The following KIF14 variants were observed in gnomAD, a reference collection of about 807,000 sequenced individuals.
KIF14 encodes kinesin-like protein KIF14.
KIF14 carries 98 observed loss-of-function variants against 176.2 expected under a neutral mutation model. That is an observed-to-expected ratio of 0.56 (90% CI 0.47 to 0.66). KIF14 has a LOEUF of 0.66. Among genes scored for constraint, KIF14 ranks in the 30% least tolerant of loss-of-function variants. The pLI is 0.00. For synonymous variants in KIF14, 566 were observed against 632.2 expected (o/e 0.90, Z 1.57); for missense variants, 1,751 against 1,920.4 (o/e 0.91, Z 1.65).
chr1:200,615,726 C>G, intron 2 of KIF14, 117 bp from the exon 3 acceptor site: 1 of 921,214 alleles, frequency 1.1e-6, no homozygotes, highest in Non-Finnish European at 1.6e-6. Context: ...CAAGATAATT[C>G]TGTAGTTTTA....
chr1:200,616,180 A>C (rs1473153150), intron 2 of KIF14, among the ~76,000 whole-genome samples: 4 of 152,166 alleles, frequency 2.6e-5, no homozygotes, highest in African/African-American at 2.4e-5. Context: ...TTAGATCTAC[A>C]GAAAAACATC....
rs2809357 is a variant in KIF14 at position 200,600,264 on chromosome 1, C to A, written c.2300+92G>T. 1,297,388 of 1,364,922 alleles carry A rather than the reference C, an allele frequency of 0.95. 617,490 individuals are homozygous for A. Among genetic ancestry groups the A allele is most frequent in the Non-Finnish European group, 0.96 (926,665 of 962,756 alleles). 84.6% of individuals were successfully genotyped at this position (1,364,922 alleles called of 1,614,324 possible). A position where few individuals can be genotyped will look rare whatever the true frequency, so the allele number is the denominator to read the frequency against. On this transcript the variant is annotated intron_variant, in intron 12 of 29. Transcript: ENST00000367350. The stretch of plus-strand genomic sequence containing the variant: ...GGGCTGCTCTATTCATAAGGAAGGT[C>A]GGAAAAATACTCAGTATCCTCTTGA...
chr1:200,570,896 C>A (rs1019427071), intron 22 of KIF14, among the ~76,000 whole-genome samples: 1 of 152,046 alleles, frequency 6.6e-6, no homozygotes, highest in Non-Finnish European at 1.5e-5. Flanking sequence ...GTTTTTCAAT[C>A]CTCACCTTCC....
At chr1:200,599,508 C>T (rs1001485816) in intron 13 of KIF14, among the ~76,000 whole-genome samples, 4 of 152,088 alleles carry the variant, frequency 2.6e-5, no homozygotes, top group Non-Finnish European at 4.4e-5. Flanking sequence ...AAGGAATTTT[C>T]CCTTCTTCTC....
In KIF14 at chr1:200,605,902, T is replaced by A; in HGVS notation, c.1608-8A>T. ...TAAGAACTGACAATGTTCCTATTTTTAAGAAGTGAAAAGACAAAATCAATT... is the reference window on the plus strand; with the variant it reads ...TAAGAACTGACAATGTTCCTATTTTAAAGAAGTGAAAAGACAAAATCAATT... On this transcript the variant is annotated splice_polypyrimidine_tract_variant and splice_region_variant and intron_variant, in intron 6 of 29. Coordinates refer to ENST00000367350, the MANE Select transcript of KIF14 (RefSeq NM_014875.3). The A allele has an allele frequency of 6.6e-7, 1 of 1,516,632 alleles. No individual in the cohort carries two copies. Among genetic ancestry groups the A allele is most frequent in the Non-Finnish European group, 8.9e-7 (1 of 1,126,356 alleles). The allele number at this position is 1,516,632 out of a possible 1,614,324, so 93.9% of individuals were successfully genotyped here.
rs191227310 is a variant in KIF14, at chr1:200,552,058, C to T, written c.*1330G>A. On this transcript the variant is annotated 3_prime_UTR_variant, in exon 30 of 30. Coordinates refer to ENST00000367350, the MANE Select transcript of KIF14 (RefSeq NM_014875.3). ...GAAACTATCAGATTTATTCATGGTACGAATGGCCAATTTCAACTAGTTATG... is the reference window on the plus strand; with the variant it reads ...GAAACTATCAGATTTATTCATGGTATGAATGGCCAATTTCAACTAGTTATG... 1.3e-5 allele frequency: 2 copies of T among 152,230 alleles called. No homozygotes were observed. The highest frequency in any genetic ancestry group is 1.3e-4 in the Admixed American group (2 of 15,292). The allele number at this position is 152,230 out of a possible 1,614,324, so 9.4% of individuals were successfully genotyped here. A position where few individuals can be genotyped will look rare whatever the true frequency, so the allele number is the denominator to read the frequency against.
At chr1:200,584,215 C>A (rs76640775) in intron 19 of KIF14, among the ~76,000 whole-genome samples, 298 of 135,008 alleles carry the variant, frequency 2.2e-3, no homozygotes, top group East Asian at 2.8e-3. Flanking sequence ...GACTCTGTTT[C>A]AAAAAAAAAA....
chr1:200,565,004 C>G (rs1657364137), intron 25 of KIF14, 65 bp downstream of exon 25: 3 of 1,275,050 alleles, frequency 2.4e-6, no homozygotes, highest in Non-Finnish European at 3.3e-6. Flanking sequence ...AAGATATAGA[C>G]AGTAGAAAGC....
intron 25 of KIF14, among the ~76,000 whole-genome samples, chr1:200,561,399 C>T (rs1055941979): frequency 2.0e-5 from 3 of 151,462 alleles, no homozygotes; most frequent in Admixed American, 6.6e-5. Flanking sequence ...ATTAGCCAGG[C>T]GTGGTGGCGG....
At chr1:200,590,826 A>C (rs1204985985) in intron 16 of KIF14, among the ~76,000 whole-genome samples, 1 of 152,194 alleles carries the variant, frequency 6.6e-6, no homozygotes, top group Non-Finnish European at 1.5e-5. Flanking sequence ...GGAGTTCGAG[A>C]CCAGCCTGGG....
rs528866349 is a variant in KIF14, at chr1:200,555,290, G to T, written c.4428+90C>A. On this transcript the variant is annotated intron_variant, in intron 28 of 29. Transcript: ENST00000367350. The stretch of plus-strand genomic sequence containing the variant: ...TACAAAAGAGTTGTCTCTGGCTAAG[G>T]ATAAACACTGAAATAAAAATATCTA... 9.9e-6 allele frequency: 8 copies of T among 810,658 alleles called. No homozygotes were observed. The Admixed American group carries it at 1.4e-4, about 14-fold the overall frequency. 50.2% of individuals were successfully genotyped at this position (810,658 alleles called of 1,614,324 possible).
At chr1:200,607,658 G>T (rs937574874) in intron 5 of KIF14, among the ~76,000 whole-genome samples, 6 of 152,106 alleles carry the variant, frequency 3.9e-5, no homozygotes, top group African/African-American at 1.4e-4. Context: ...TCTTGATGTT[G>T]CCAATAGTAA....
At chr1:200,603,589 C>T (rs1241720560) in intron 9 of KIF14, among the ~76,000 whole-genome samples, 1 of 152,148 alleles carries the variant, frequency 6.6e-6, no homozygotes, top group East Asian at 1.9e-4. Flanking sequence ...ACTACAGACA[C>T]ATGCCACAAT....
chr1:200,574,652 C>T (rs1241428310), intron 22 of KIF14, among the ~76,000 whole-genome samples: 3 of 152,212 alleles, frequency 2.0e-5, no homozygotes, highest in Non-Finnish European at 4.4e-5. Flanking sequence ...CCAAACCAAA[C>T]TATGAGGCTA....
intron 18 of KIF14, 120 bp downstream of exon 18, chr1:200,589,097 C>CTACA (rs905178066): frequency 4.2e-6 from 3 of 719,406 alleles, no homozygotes; most frequent in Non-Finnish European, 6.9e-6. Context: ...CTTTTCTCAT[C>CTACA]TACACATCTA....
rs1571478345 is a variant in KIF14, at chr1:200,570,101, ATG to A, written c.3567-98_3567-97del. The A allele has an allele frequency of 3.2e-5, 18 of 564,658 alleles. No individual in the cohort carries two copies. In the East Asian group the frequency reaches 5.2e-4, roughly 16 times the overall value. 35.0% of individuals were successfully genotyped at this position (564,658 alleles called of 1,614,324 possible). On this transcript the variant is annotated intron_variant, in intron 22 of 29. Coordinates refer to ENST00000367350, the MANE Select transcript of KIF14 (RefSeq NM_014875.3). Reference sequence around the variant, plus strand: ...AGTTCTCTAAAGAAAATGGACATTCATGTGTGTGTTTTTCATTAAAAATTTTC... The same window carrying A: ...AGTTCTCTAAAGAAAATGGACATTCATGTGTGTTTTTCATTAAAAATTTTC...
chr1:200,551,874 T>G lies in KIF14; in HGVS notation c.*1514A>C, dbSNP rs1007705251. 1.3e-5 allele frequency: 2 copies of G among 152,122 alleles called. No homozygotes were observed. The highest frequency in any genetic ancestry group is 2.9e-5 in the Non-Finnish European group (2 of 68,022). 9.4% of individuals were successfully genotyped at this position (152,122 alleles called of 1,614,324 possible). ...GACTAATAAAAACACATATAGAGCT[T>G]CAGAAAGAATACAAGGTCAAATGCC... On this transcript the variant is annotated 3_prime_UTR_variant, in exon 30 of 30. Transcript: ENST00000367350.
chr1:200,569,484 C>T (rs1657660826), intron 23 of KIF14, among the ~76,000 whole-genome samples: 1 of 152,064 alleles, frequency 6.6e-6, no homozygotes, highest in Non-Finnish European at 1.5e-5. Context: ...TGTCTCCATC[C>T]CCAAGCTCCC....
At position 200,618,801 on chromosome 1, in the gene KIF14, C is replaced by T; in HGVS notation, c.-78G>A. 8.4e-7 allele frequency: 1 copy of T among 1,194,240 alleles called. No homozygotes were observed. 74.0% of individuals were successfully genotyped at this position (1,194,240 alleles called of 1,614,324 possible). A position where few individuals can be genotyped will look rare whatever the true frequency, so the allele number is the denominator to read the frequency against. ...TTTGGACATTCATTTGATTTCCAGCCATTTCTTATGTATCCATTTCTGAAA... is the reference window on the plus strand; with the variant it reads ...TTTGGACATTCATTTGATTTCCAGCTATTTCTTATGTATCCATTTCTGAAA... On this transcript the variant is annotated 5_prime_UTR_variant, in exon 2 of 30. It removes an upstream start codon present in the reference 5' UTR. Coordinates refer to ENST00000367350, the MANE Select transcript of KIF14 (RefSeq NM_014875.3).
Sources: allele counts gnomAD v4.1 joint callset (sites outside exome capture counted in the v4.1 genomes callset), GRCh38; gene constraint gnomAD v4.1.1; transcripts MANE v1.5; gene names NCBI Gene and HGNC (gene_info 2026-07-23, HGNC 2026-07-21).